Variants in FGL1 observed in about 807,000 individuals in gnomAD.
FGL1 encodes the protein fibrinogen-like protein 1.
A neutral mutation model predicts 43.7 loss-of-function variants in FGL1; 59 were observed. That is an observed-to-expected ratio of 1.35 (90% CI 1.10 to 1.68). FGL1 has a LOEUF of 1.68. FGL1 is among the 40% of genes most tolerant of loss of function. The pLI is 0.00. For synonymous variants in FGL1, 192 were observed against 126.5 expected, an observed-to-expected ratio of 1.52 and a Z score of -3.48; for missense variants, 596 against 373.0, an observed-to-expected ratio of 1.60 and a Z score of -4.92.
At position 17,868,568 on chromosome 8, in the gene FGL1, C is replaced by T. The variant is rs748467502; in HGVS notation, c.759G>A (p.Gln253=). The T allele has an allele frequency of 6.2e-7, 1 of 1,612,328 alleles. No individual in the cohort carries two copies. Among genetic ancestry groups the T allele is most frequent in the Admixed American group, 1.7e-5 (1 of 59,526 alleles). ...CAAACCTGTTAAACCACCAGCCAGA[C>T]TGATCTTCTTCTGCGCAGTTCCCTT... The part of the protein sequence containing the change: ...NYEGNCAEED[Q]SGWWFNRCHS... The change falls in exon 7 of 8, where the codon CAG becomes CAA. Residue 253 remains glutamine (Q), a synonymous_variant. Transcript: ENST00000427924.
At chr8:17,872,550 A>G (rs7846018) in intron 5 of FGL1, among the ~76,000 whole-genome samples, 111,044 of 151,986 alleles carry the variant, frequency 0.73, 41,338 homozygotes, top group Non-Finnish European at 0.79. Context: ...GGGTCCACCC[A>G]CCTCAGCATC....
intron 1 of FGL1, among the ~76,000 whole-genome samples, chr8:17,890,943 T>C (rs2053695807): frequency 6.6e-6 from 1 of 152,112 alleles, no homozygotes; most frequent in East Asian, 1.9e-4. Context: ...GAACTACAAT[T>C]CAAGATGAGA....
chr8:17,879,497 A>T (rs1458618640), intron 3 of FGL1, among the ~76,000 whole-genome samples: 1 of 152,034 alleles, frequency 6.6e-6, no homozygotes, highest in African/African-American at 2.4e-5. Flanking sequence ...GTTGTCATGA[A>T]TGTTTTAGCA....
At chr8:17,884,260 C>T (rs1235057252) in intron 2 of FGL1, among the ~76,000 whole-genome samples, 1 of 151,836 alleles carries the variant, frequency 6.6e-6, no homozygotes, top group Non-Finnish European at 1.5e-5. Flanking sequence ...GGTGCGATCT[C>T]GGCTCCCTGC....
intron 4 of FGL1, 54 bp from the exon 5 acceptor site, chr8:17,874,170 A>G: frequency 6.8e-7 from 1 of 1,459,966 alleles, no homozygotes; most frequent in Middle Eastern, 1.7e-4. Context: ...GTGGTACCAA[A>G]GCGACCACCA....
chr8:17,875,456 C>G (rs1032983044), intron 3 of FGL1, among the ~76,000 whole-genome samples: 1 of 151,674 alleles, frequency 6.6e-6, no homozygotes. Context: ...AATGTAGCTA[C>G]CCCTTTGTCA....
intron 1 of FGL1, among the ~76,000 whole-genome samples, chr8:17,886,870 G>C (rs2053636272): frequency 1.3e-5 from 2 of 152,062 alleles, no homozygotes; most frequent in Admixed American, 1.3e-4. Context: ...AGAAGCGAGA[G>C]AAGTCACAGT....
chr8:17,885,036 T>A (rs548300859), intron 2 of FGL1, among the ~76,000 whole-genome samples: 1 of 151,092 alleles, frequency 6.6e-6, no homozygotes, highest in South Asian at 2.1e-4. Context: ...TTTAAAAAAA[T>A]GTAAAGCACT....
chr8:17,874,797 T>C (rs2053420491), intron 3 of FGL1: 1 of 236,578 alleles, frequency 4.2e-6, no homozygotes, highest in Non-Finnish European at 8.1e-6. Context: ...TCTTCTTTTT[T>C]CTTTTACATT....
At chr8:17,878,993 C>T (rs1179658389) in intron 3 of FGL1, among the ~76,000 whole-genome samples, 2 of 150,046 alleles carry the variant, frequency 1.3e-5, no homozygotes, top group Non-Finnish European at 1.5e-5. Context: ...CCAGTACTAT[C>T]TCCCTATATG....
At chr8:17,884,563 T>G (rs403732) in intron 2 of FGL1, among the ~76,000 whole-genome samples, 108,017 of 151,998 alleles carry the variant, frequency 0.71, 39,231 homozygotes, top group African/African-American at 0.78. Context: ...CCTTCTGAGA[T>G]AGTTATTTGC....
chr8:17,880,468 A>T (rs930118043), intron 3 of FGL1, among the ~76,000 whole-genome samples: 3 of 152,206 alleles, frequency 2.0e-5, no homozygotes, highest in African/African-American at 7.2e-5. Context: ...TGACCTCTAC[A>T]GTCTTTCAAT....
Position 17,864,765 on chromosome 8 carries a change from GAA to G in FGL1, c.780-16_780-15del. The G allele has an allele frequency of 7.1e-7, 1 of 1,404,290 alleles. No homozygotes were observed. The highest frequency in any genetic ancestry group is 1.8e-5 in the South Asian group (1 of 55,830). The allele number at this position is 1,404,290 out of a possible 1,614,324, so 87.0% of individuals were successfully genotyped here. On this transcript the variant is annotated splice_polypyrimidine_tract_variant and intron_variant, in intron 7 of 7. Transcript: ENST00000427924. Reference sequence around the variant, plus strand: ...GCAGAGTGACACCTAGTGGAAGGGAGAAAAAAAAAGAAAACAACAATCAGACT... The same window carrying G: ...GCAGAGTGACACCTAGTGGAAGGGAGAAAAAAAGAAAACAACAATCAGACT...
rs377674281 is a variant in FGL1, at chr8:17,866,673, G to A, written c.779+1875C>T. Among the ~76,000 whole-genome samples the A allele has an allele frequency of 3.7e-4, 56 of 152,244 alleles. No individual in the cohort carries two copies. The South Asian group carries it at 0.012, about 32-fold the overall frequency. Reference sequence around the variant, plus strand: ...CCATTTCTTTAAAGTCAGGTAAATCGTTCCTTTGCCCACATTAATATACAT... The same window carrying A: ...CCATTTCTTTAAAGTCAGGTAAATCATTCCTTTGCCCACATTAATATACAT... On this transcript the variant is annotated intron_variant, in intron 7 of 7. Coordinates refer to ENST00000427924, the MANE Select transcript of FGL1 (RefSeq NM_004467.4).
Position 17,864,740 on chromosome 8 carries a change from G to A in FGL1, c.791C>T (p.Ala264Val). 2 of 1,521,478 alleles carry A rather than the reference G, an allele frequency of 1.3e-6. No individual in the cohort carries two copies. The highest frequency in any genetic ancestry group is 2.2e-5 in the Admixed American group (1 of 45,234). The allele number at this position is 1,521,478 out of a possible 1,614,324, so 94.2% of individuals were successfully genotyped here. ...GCTGTAGTATACACCATTCAGGTTT[G>A]CAGAGTGACACCTAGTGGAAGGGAG... ...SGWWFNRCHS[A>V]NLNGVYYSGP... The change falls in exon 8 of 8, where the codon GCA becomes GTA. Residue 264 changes from alanine to valine, a missense_variant. Physicochemically the swap from Ala to Val is moderately conservative, Grantham distance 64. Coordinates refer to ENST00000427924, the MANE Select transcript of FGL1 (RefSeq NM_004467.4).
intron 1 of FGL1, chr8:17,891,944 C>G (rs2053711091): frequency 4.3e-6 from 1 of 230,360 alleles, no homozygotes; most frequent in African/African-American, 2.3e-5. Context: ...TATAAAATCC[C>G]AAAAGAAAAT....
rs1563446934 is a variant in FGL1, at chr8:17,868,603, C to T, written c.724G>A (p.Asp242Asn). The T allele has an allele frequency of 3.1e-6, 5 of 1,613,976 alleles. No homozygotes were observed. The highest frequency in any genetic ancestry group is 4.2e-6 in the Non-Finnish European group (5 of 1,180,014). Residue 242 changes from aspartate (D) to asparagine (N), a missense_variant, in exon 7 of 8, where the codon GAC (aspartate) becomes AAC (asparagine). Physicochemically the swap from Asp to Asn is conservative, Grantham distance 23 (BLOSUM62 1). Transcript: ENST00000427924. ...TCTGCGCAGTTCCCTTCATAGTTGTCATGATCTCTGTCCCACGTGCTGAAT... is the reference window on the plus strand; with the variant it reads ...TCTGCGCAGTTCCCTTCATAGTTGTTATGATCTCTGTCCCACGTGCTGAAT... ...MKFSTWDRDH[D>N]NYEGNCAEED...
chr8:17,886,518 G>C (rs2517321), intron 1 of FGL1, among the ~76,000 whole-genome samples: 15,560 of 152,172 alleles, frequency 0.1, 1,449 homozygotes, highest in African/African-American at 0.24. Context: ...AGCACTTTGG[G>C]AGGTCGAGGT....
Position 17,882,877 on chromosome 8 carries a change from T to TCTATA in FGL1, c.64-699_64-698insTATAG, listed in dbSNP as rs1180320857. ...ATATCATATATAATATATTAAATAA[T>TCTATA]ATATAATATATCTCATATATAATAT... On this transcript the variant is annotated intron_variant, in intron 2 of 7. Transcript: ENST00000427924. 1.9e-5 allele frequency among the ~76,000 whole-genome samples: 2 copies of TCTATA among 103,098 alleles called. 1 individual carries two copies. The highest frequency in any genetic ancestry group is 4.7e-4 in the East Asian group (2 of 4,244). The allele number at this position is 103,098 out of a possible 152,430, so 67.6% of individuals were successfully genotyped here. A position where few individuals can be genotyped will look rare whatever the true frequency, so the allele number is the denominator to read the frequency against.
Sources: allele counts gnomAD v4.1 joint callset (sites outside exome capture counted in the v4.1 genomes callset), GRCh38; gene constraint gnomAD v4.1.1; transcripts MANE v1.5; gene names NCBI Gene and HGNC (gene_info 2026-07-23, HGNC 2026-07-21).